Variants in BCL2 observed in about 807,000 individuals in gnomAD.
The protein encoded by BCL2 is apoptosis regulator Bcl-2.
Under a neutral mutation model 14.2 loss-of-function variants are expected in BCL2, and 1 was observed. That is an observed-to-expected ratio of 0.07 (90% CI 0.02 to 0.33). The LOEUF is 0.33. Ranked by LOEUF, BCL2 falls within the 10% of genes least tolerant of loss-of-function variation. The probability of loss-of-function intolerance (pLI) is 0.99; values close to 1 mark genes in which losing one functional copy is unlikely to be tolerated. For missense variants in BCL2, 247 were observed against 305.9 expected (o/e 0.81, Z 1.44); for synonymous variants, 151 against 137.2 (o/e 1.10, Z -0.70).
chr18:63,244,958 C>T (rs1466682055), intron 2 of BCL2, among the ~76,000 whole-genome samples: 1 of 152,150 alleles, frequency 6.6e-6, no homozygotes, highest in East Asian at 1.9e-4. Flanking sequence ...CTGCACCTTC[C>T]TTAAGTTCTC....
intron 2 of BCL2, among the ~76,000 whole-genome samples, chr18:63,262,547 T>C (rs8085707): frequency 0.78 from 118,186 of 151,964 alleles, 46,945 homozygotes; most frequent in South Asian, 0.97. Context: ...GGTCTGTCTG[T>C]CCATCTGGCT....
At chr18:63,148,138 G>C (rs1914560597) in intron 2 of BCL2, among the ~76,000 whole-genome samples, 1 of 152,164 alleles carries the variant, frequency 6.6e-6, no homozygotes. Context: ...CTCAAAACTG[G>C]TTTGGATCCG....
intron 2 of BCL2, among the ~76,000 whole-genome samples, chr18:63,160,117 C>G (rs1914884374): frequency 6.6e-6 from 1 of 152,190 alleles, no homozygotes; most frequent in African/African-American, 2.4e-5. Context: ...AGAAAGAGCC[C>G]TTGGAGCCAC....
At chr18:63,180,971 A>C (rs938802920) in intron 2 of BCL2, among the ~76,000 whole-genome samples, 2 of 152,220 alleles carry the variant, frequency 1.3e-5, no homozygotes, top group African/African-American at 4.8e-5. Context: ...ATTGTGATCC[A>C]AGGGGCTTTT....
chr18:63,317,185 T>G (rs1285368441), intron 2 of BCL2: 1 of 152,214 alleles, frequency 6.6e-6, no homozygotes, highest in Non-Finnish European at 1.5e-5. Flanking sequence ...AAGGGTAAGA[T>G]AATCCACAGC....
At chr18:63,191,272 C>T (rs1477741008) in intron 2 of BCL2, among the ~76,000 whole-genome samples, 2 of 152,200 alleles carry the variant, frequency 1.3e-5, no homozygotes, top group Admixed American at 1.3e-4. Flanking sequence ...CTTGAGGAAT[C>T]GCTATACTAT....
At chr18:63,242,739 T>C (rs1911043726) in intron 2 of BCL2, among the ~76,000 whole-genome samples, 1 of 152,220 alleles carries the variant, frequency 6.6e-6, no homozygotes, top group African/African-American at 2.4e-5. Context: ...AGTGGTATGA[T>C]TTATACCAGC....
chr18:63,243,801 T>G (rs950895250), intron 2 of BCL2, among the ~76,000 whole-genome samples: 1 of 152,246 alleles, frequency 6.6e-6, no homozygotes, highest in Non-Finnish European at 1.5e-5. Flanking sequence ...AAATTTTCAA[T>G]TCAATCTAAT....
At chr18:63,176,810 T>C (rs1237992920) in intron 2 of BCL2, among the ~76,000 whole-genome samples, 1 of 152,248 alleles carries the variant, frequency 6.6e-6, no homozygotes, top group Non-Finnish European at 1.5e-5. Flanking sequence ...TACTGTGCTA[T>C]TAAACACAAT....
chr18:63,208,575 T>G (rs1303941116), intron 2 of BCL2, among the ~76,000 whole-genome samples: 1 of 148,872 alleles, frequency 6.7e-6, no homozygotes, highest in Non-Finnish European at 1.5e-5. Context: ...TGTTTCGTGT[T>G]GGGGGATGGT....
intron 2 of BCL2, among the ~76,000 whole-genome samples, chr18:63,242,240 T>C (rs1253479846): frequency 6.6e-6 from 1 of 152,228 alleles, no homozygotes; most frequent in African/African-American, 2.4e-5. Context: ...AAATGGAAGG[T>C]GCCATGAGGC....
intron 2 of BCL2, among the ~76,000 whole-genome samples, chr18:63,295,060 G>A (rs1912762056): frequency 6.6e-6 from 1 of 151,740 alleles, no homozygotes; most frequent in South Asian, 2.1e-4. Context: ...AGCTACTCAG[G>A]AGGCTGGGGC....
intron 2 of BCL2, among the ~76,000 whole-genome samples, chr18:63,273,868 C>T (rs1008040791): frequency 1.3e-5 from 2 of 152,148 alleles, no homozygotes; most frequent in African/African-American, 4.8e-5. Context: ...TCTTTACAAG[C>T]ATCTCAGATC....
intron 2 of BCL2, among the ~76,000 whole-genome samples, chr18:63,202,001 A>G (rs1462067983): frequency 6.6e-6 from 1 of 152,172 alleles, no homozygotes; most frequent in Non-Finnish European, 1.5e-5. Flanking sequence ...TCTACAATGA[A>G]AAAAAGGAAA....
At chr18:63,269,169 G>A (rs867888799) in intron 2 of BCL2, among the ~76,000 whole-genome samples, 1 of 151,980 alleles carries the variant, frequency 6.6e-6, no homozygotes, top group South Asian at 2.1e-4. Flanking sequence ...GCCCAGGCTG[G>A]TCTCAAACTC....
intron 2 of BCL2, among the ~76,000 whole-genome samples, chr18:63,289,819 G>C (rs1912595569): frequency 6.6e-6 from 1 of 152,144 alleles, no homozygotes; most frequent in East Asian, 1.9e-4. Flanking sequence ...ACTTGAGCCT[G>C]GGAGGCGGAG....
chr18:63,234,684 A>AG (rs879353160), intron 2 of BCL2, among the ~76,000 whole-genome samples: 3 of 152,192 alleles, frequency 2.0e-5, no homozygotes, highest in Non-Finnish European at 4.4e-5. Context: ...GCAGTGGTTA[A>AG]GCGCATGGGC....
chr18:63,164,449 C>T (rs766699187), intron 2 of BCL2, among the ~76,000 whole-genome samples: 21 of 152,176 alleles, frequency 1.4e-4, no homozygotes, highest in African/African-American at 4.6e-4. Context: ...GGTCAAATCA[C>T]GGCAGGAAGT....
chr18:63,299,764 C>T (rs1310514284), intron 2 of BCL2, among the ~76,000 whole-genome samples: 2 of 151,960 alleles, frequency 1.3e-5, no homozygotes, highest in African/African-American at 4.8e-5. Flanking sequence ...CATATGGTAC[C>T]CTTTCACATT....
Sources: allele counts gnomAD v4.1 joint callset (sites outside exome capture counted in the v4.1 genomes callset), GRCh38; gene constraint gnomAD v4.1.1; transcripts MANE v1.5; gene names NCBI Gene and HGNC (gene_info 2026-07-23, HGNC 2026-07-21).